Variants in RASSF5 observed in about 807,000 individuals in gnomAD.
The protein encoded by RASSF5 is Ras association domain family member 5, also known as ras association domain-containing protein 5.
RASSF5 carries 25 observed loss-of-function variants against 40.5 expected under a neutral mutation model. That is an observed-to-expected ratio of 0.62 (90% CI 0.45 to 0.86). The LOEUF is 0.86. Among genes scored for constraint, RASSF5 ranks in the 40% least tolerant of loss-of-function variants. The pLI is 0.00. For synonymous variants in RASSF5, 246 were observed against 252.4 expected, an observed-to-expected ratio of 0.97 and a Z score of 0.24; for missense variants, 521 against 572.8, an observed-to-expected ratio of 0.91 and a Z score of 0.92.
intron 2 of RASSF5, among the ~76,000 whole-genome samples, chr1:206,547,522 A>T (rs994884986): frequency 3.3e-5 from 5 of 151,106 alleles, no homozygotes; most frequent in Non-Finnish European, 5.9e-5. Context: ...CCCAGATGGG[A>T]CCATCTAGTT....
chr1:206,547,252 G>A (rs1242222533), intron 2 of RASSF5, among the ~76,000 whole-genome samples: 5 of 152,158 alleles, frequency 3.3e-5, no homozygotes, highest in African/African-American at 1.2e-4. Flanking sequence ...AGCCCCCAGG[G>A]CCACACACAT....
At chr1:206,545,190 C>T (rs1667649655) in intron 2 of RASSF5, among the ~76,000 whole-genome samples, 1 of 152,082 alleles carries the variant, frequency 6.6e-6, no homozygotes, top group African/African-American at 2.4e-5. Context: ...TTTTTTGAGG[C>T]ATACCTGTGT....
At chr1:206,576,855 G>A (rs1204228902) in intron 2 of RASSF5, among the ~76,000 whole-genome samples, 3 of 152,172 alleles carry the variant, frequency 2.0e-5, no homozygotes, top group Non-Finnish European at 4.4e-5. Flanking sequence ...AGGCTGGAGT[G>A]CAGTGGCACA....
intron 1 of RASSF5, among the ~76,000 whole-genome samples, chr1:206,536,238 A>G (rs148744583): frequency 3.5e-3 from 534 of 152,326 alleles, no homozygotes; most frequent in African/African-American, 0.01. Context: ...TGCATGCCCC[A>G]GGGAATTGAC....
At chr1:206,543,823 T>C (rs1572325856) in intron 2 of RASSF5, 3 of 152,268 alleles carry the variant, frequency 2.0e-5, no homozygotes, top group African/African-American at 7.2e-5. Context: ...GTGCAATCTG[T>C]GCTCACTGCA....
rs1668113263 is a variant in RASSF5 at position 206,560,676 on chromosome 1, T to G, written c.579+22383T>G. Among the ~76,000 whole-genome samples, 1 of 152,192 alleles carries G rather than the reference T, an allele frequency of 6.6e-6. No individual in the cohort carries two copies. The highest frequency in any genetic ancestry group is 1.5e-5 in the Non-Finnish European group (1 of 68,024). On this transcript the variant is annotated intron_variant, in intron 2 of 5. Coordinates refer to ENST00000579436, the MANE Select transcript of RASSF5 (RefSeq NM_182663.4). This position sits in a 1 kb window ranked among gnomAD's most constrained non-coding sequence, Gnocchi z 5.1. Reference sequence around the variant, plus strand: ...CCTGGGGGAGAGCCAGCCTGTGGGCTTGGGCAGTGCAGACGTAGATGGTCT... The same window carrying G: ...CCTGGGGGAGAGCCAGCCTGTGGGCGTGGGCAGTGCAGACGTAGATGGTCT...
intron 2 of RASSF5, among the ~76,000 whole-genome samples, chr1:206,545,369 A>C (rs1386979328): frequency 6.9e-6 from 1 of 144,160 alleles, no homozygotes; most frequent in Non-Finnish European, 1.5e-5. Flanking sequence ...TTTTTTTAAC[A>C]GACAGGGTCT....
chr1:206,522,099 A>G (rs912680079), intron 1 of RASSF5, among the ~76,000 whole-genome samples: 1 of 152,018 alleles, frequency 6.6e-6, no homozygotes, highest in African/African-American at 2.4e-5. Flanking sequence ...AAACCAGTAT[A>G]TATCTTTACT....
chr1:206,527,430 G>A (rs1378085140), intron 1 of RASSF5, among the ~76,000 whole-genome samples: 1 of 152,152 alleles, frequency 6.6e-6, no homozygotes, highest in Non-Finnish European at 1.5e-5. Flanking sequence ...CCTTTCTGGT[G>A]AAATTGTCCT....
chr1:206,548,702 T>G (rs782744687), intron 2 of RASSF5, among the ~76,000 whole-genome samples: 4 of 152,212 alleles, frequency 2.6e-5, no homozygotes, highest in Non-Finnish European at 4.4e-5. Context: ...TTTATAGTTT[T>G]CACGAAAATT....
chr1:206,564,756 AT>A (rs1465443647), intron 2 of RASSF5, among the ~76,000 whole-genome samples: 1 of 152,174 alleles, frequency 6.6e-6, no homozygotes, highest in African/African-American at 2.4e-5. Context: ...CTCAAAGAGC[AT>A]GGGGTGGGGA....
intron 2 of RASSF5, among the ~76,000 whole-genome samples, chr1:206,562,215 C>T (rs1668165377): frequency 6.6e-6 from 1 of 152,206 alleles, no homozygotes; most frequent in African/African-American, 2.4e-5. Context: ...GGGGCACTAG[C>T]CAACCCCACA....
Position 206,508,017 on chromosome 1 carries a change from C to T in RASSF5, c.415C>T (p.Leu139=). The T allele has an allele frequency of 6.8e-7, 1 of 1,471,250 alleles. No individual in the cohort carries two copies. The highest frequency in any genetic ancestry group is 1.4e-5 in the South Asian group (1 of 73,696). 91.1% of individuals were successfully genotyped at this position (1,471,250 alleles called of 1,614,324 possible). A position where few individuals can be genotyped will look rare whatever the true frequency, so the allele number is the denominator to read the frequency against. Residue 139 remains leucine, a synonymous_variant, in exon 1 of 6, where the codon CTG becomes TTG. Transcript: ENST00000579436. ...VLPGGPGWCD[L]CGREVLRQAL... The stretch of plus-strand genomic sequence containing the variant: ...GCCGGGCGGCCCCGGCTGGTGTGAC[C>T]TGTGCGGACGAGAGGTGCTGCGGCA...
chr1:206,532,264 T>C (rs1553398068), intron 1 of RASSF5, among the ~76,000 whole-genome samples: 1 of 152,124 alleles, frequency 6.6e-6, no homozygotes, highest in East Asian at 1.9e-4. Flanking sequence ...GATCATTAAC[T>C]CTTAACTTGG....
At chr1:206,546,648 C>T (rs6680523) in intron 2 of RASSF5, among the ~76,000 whole-genome samples, 89,900 of 151,924 alleles carry the variant, frequency 0.59, 26,797 homozygotes, top group East Asian at 0.75. Flanking sequence ...GTTGAAAATA[C>T]CTGAAGTCAA....
chr1:206,519,305 C>G (rs1240443341), intron 1 of RASSF5, among the ~76,000 whole-genome samples: 1 of 152,190 alleles, frequency 6.6e-6, no homozygotes, highest in East Asian at 1.9e-4. Flanking sequence ...GACTATGAAC[C>G]CTGGGCACCT....
intron 2 of RASSF5, among the ~76,000 whole-genome samples, chr1:206,576,962 C>T (rs1371180595): frequency 7.0e-6 from 1 of 143,692 alleles, no homozygotes. Context: ...CTTCACTGTG[C>T]CCAGCTAATT....
chr1:206,567,637 CTG>C (rs1294776549), intron 2 of RASSF5, among the ~76,000 whole-genome samples: 2 of 152,080 alleles, frequency 1.3e-5, no homozygotes, highest in African/African-American at 4.8e-5. Context: ...TTGGCGAACT[CTG>C]GGGCTGGGGA....
Position 206,507,720 on chromosome 1 carries a change from C to T in RASSF5, c.118C>T (p.Arg40Trp), listed in dbSNP as rs934881220. ...CGAGCTACCGCCGCCGCCCCCCGAC[C>T]GGTCCTCGCGCCTCTGTGTCCCGGC... ...GPELPPPPPD[R>W]SSRLCVPAPL... The change falls in exon 1 of 6, where the codon CGG becomes TGG. Residue 40 changes from arginine (R) to tryptophan (W), a missense_variant. Coordinates refer to ENST00000579436, the MANE Select transcript of RASSF5 (RefSeq NM_182663.4). The T allele has an allele frequency of 3.8e-5, 56 of 1,483,996 alleles. No individual in the cohort carries two copies. Among genetic ancestry groups the T allele is most frequent in the Non-Finnish European group, 4.6e-5 (52 of 1,124,134 alleles). The allele number at this position is 1,483,996 out of a possible 1,614,324, so 91.9% of individuals were successfully genotyped here.
Sources: allele counts gnomAD v4.1 joint callset (sites outside exome capture counted in the v4.1 genomes callset), GRCh38; gene constraint gnomAD v4.1.1; non-coding constraint Gnocchi (gnomAD v3.1); transcripts MANE v1.5; gene names NCBI Gene and HGNC (gene_info 2026-07-23, HGNC 2026-07-21).